Variants in GLIS3 observed in about 807,000 individuals in gnomAD.
The protein encoded by GLIS3 is zinc finger protein GLIS3.
Under a neutral mutation model 78.6 loss-of-function variants are expected in GLIS3, and 53 were observed. The observed-to-expected ratio is 0.67, with a 90% CI of 0.54 to 0.85. The LOEUF is 0.85. Ranked by LOEUF, GLIS3 falls within the 40% of genes least tolerant of loss-of-function variation. The probability of loss-of-function intolerance (pLI) is 0.00; values close to 1 mark genes in which losing one functional copy is unlikely to be tolerated. For synonymous variants in GLIS3, 684 were observed against 509.9 expected, an observed-to-expected ratio of 1.34 and a Z score of -4.60; for missense variants, 1,703 against 1,231.1, an observed-to-expected ratio of 1.38 and a Z score of -5.74.
chr9:4,222,348 C>T (rs1414574000), intron 2 of GLIS3, among the ~76,000 whole-genome samples: 2 of 152,212 alleles, frequency 1.3e-5, no homozygotes, highest in Non-Finnish European at 2.9e-5. Flanking sequence ...ATTCTCTCTG[C>T]ATCAGATTTC....
chr9:4,135,157 G>A (rs775740012), intron 2 of GLIS3, among the ~76,000 whole-genome samples: 3 of 152,124 alleles, frequency 2.0e-5, no homozygotes, highest in Non-Finnish European at 2.9e-5. Flanking sequence ...ATGTCAAAGC[G>A]TTGTCTAGAA....
the GLIS3 span, among the ~76,000 whole-genome samples, chr9:4,357,844 A>T: frequency 1.3e-5 from 2 of 152,184 alleles, no homozygotes; most frequent in African/African-American, 4.8e-5. Flanking sequence ...ATTCCCATTG[A>T]ATCTGTGTCA....
At chr9:4,124,973 G>A (rs1259224918) in intron 3 of GLIS3, among the ~76,000 whole-genome samples, 1 of 152,134 alleles carries the variant, frequency 6.6e-6, no homozygotes, top group Non-Finnish European at 1.5e-5. Context: ...ACAGTATTTT[G>A]GCTTTATGCC....
chr9:4,020,901 C>G (rs1157234852), intron 4 of GLIS3, among the ~76,000 whole-genome samples: 1 of 152,188 alleles, frequency 6.6e-6, no homozygotes, highest in Non-Finnish European at 1.5e-5. Flanking sequence ...ACACTCACCA[C>G]AAATCAACTT....
At chr9:4,082,957 G>A (rs1405333515) in intron 4 of GLIS3, among the ~76,000 whole-genome samples, 1 of 152,128 alleles carries the variant, frequency 6.6e-6, no homozygotes, top group Non-Finnish European at 1.5e-5. Flanking sequence ...TTTTAGATGG[G>A]TAACTAGCTG....
intron 9 of GLIS3, among the ~76,000 whole-genome samples, chr9:3,837,888 C>T (rs547148879): frequency 6.6e-6 from 1 of 151,866 alleles, no homozygotes; most frequent in African/African-American, 2.4e-5. Flanking sequence ...CCCCTAATAT[C>T]AGCTGTGGAC....
the GLIS3 span, among the ~76,000 whole-genome samples, chr9:4,363,503 T>A: frequency 3.3e-5 from 5 of 152,234 alleles, no homozygotes; most frequent in African/African-American, 7.2e-5. Flanking sequence ...CTTGCTTTTT[T>A]AAAAAAAGCA....
At position 3,970,673 on chromosome 9, in the gene GLIS3, G is replaced by C. The variant is rs150742293; in HGVS notation, c.1711-33484C>G. Among the ~76,000 whole-genome samples the C allele has an allele frequency of 2.5e-3, 381 of 152,278 alleles. 4 individuals carry two copies. Among genetic ancestry groups the C allele is most frequent in the African/African-American group, 8.3e-3 (343 of 41,556 alleles). On this transcript the variant is annotated intron_variant, in intron 4 of 10. Transcript: ENST00000381971. ...CCTATCCTATAGCATGGAGTTGCAG[G>C]ATTATTCAGCAGAGCAGAAACTGAG...
intron 2 of GLIS3, among the ~76,000 whole-genome samples, chr9:4,187,183 G>A (rs1171327496): frequency 6.6e-6 from 1 of 152,198 alleles, no homozygotes; most frequent in Non-Finnish European, 1.5e-5. Flanking sequence ...TAAGGTGTAA[G>A]GAAGGGATCC....
chr9:4,168,012 G>C (rs75042880), intron 2 of GLIS3, among the ~76,000 whole-genome samples: 6,084 of 152,258 alleles, frequency 0.04, 225 homozygotes, highest in Admixed American at 0.096. Context: ...CCCTGGCCTA[G>C]GGCTTTAGTT....
chr9:4,117,446 T>C (rs946303230), intron 4 of GLIS3, among the ~76,000 whole-genome samples: 1 of 152,226 alleles, frequency 6.6e-6, no homozygotes. Flanking sequence ...TCTGTGTCCT[T>C]CTGCTCTTGC....
In GLIS3 at chr9:3,828,171, T is replaced by C. The variant is rs1463639218; in HGVS notation, c.*101A>G. On this transcript the variant is annotated 3_prime_UTR_variant, in exon 11 of 11. Transcript: ENST00000381971. ...TCAGTAACTCTGCAGGGCCCGCTGATTGGGCTGACATCCTTCCTCAAGCAG... is the reference window on the plus strand; with the variant it reads ...TCAGTAACTCTGCAGGGCCCGCTGACTGGGCTGACATCCTTCCTCAAGCAG... The C allele has an allele frequency of 1.4e-6, 2 of 1,394,528 alleles. No homozygotes were observed. Among genetic ancestry groups the C allele is most frequent in the Non-Finnish European group, 2.0e-6 (2 of 987,236 alleles). The allele number at this position is 1,394,528 out of a possible 1,614,324, so 86.4% of individuals were successfully genotyped here. A position where few individuals can be genotyped will look rare whatever the true frequency, so the allele number is the denominator to read the frequency against.
chr9:4,235,899 ACTT>A lies in GLIS3; in HGVS notation c.388+50136_388+50138del, dbSNP rs141473534. On this transcript the variant is annotated intron_variant, in intron 2 of 10. Transcript: ENST00000381971. Reference sequence around the variant, plus strand: ...AGAAAGCATCCCGGCATACTGATGAACTTCTTTTTCAAATGGTGCCAACTGACA... The same window carrying A: ...AGAAAGCATCCCGGCATACTGATGAACTTTTTCAAATGGTGCCAACTGACA... Among the ~76,000 whole-genome samples the A allele has an allele frequency of 2.7e-3, 411 of 152,284 alleles. 1 individual carries two copies. The highest frequency in any genetic ancestry group is 9.2e-3 in the African/African-American group (382 of 41,560).
intron 4 of GLIS3, among the ~76,000 whole-genome samples, chr9:3,970,493 T>C (rs1818300809): frequency 6.6e-6 from 1 of 152,094 alleles, no homozygotes; most frequent in Admixed American, 6.6e-5. Context: ...ACCTAAAAGT[T>C]TGCCATAGAC....
intron 4 of GLIS3, among the ~76,000 whole-genome samples, chr9:4,002,671 G>A (rs151006685): frequency 1.3e-5 from 2 of 152,240 alleles, no homozygotes; most frequent in African/African-American, 4.8e-5. Flanking sequence ...TGCAGTGGCT[G>A]GAAAGGCAAA....
chr9:4,003,364 C>T (rs1393595977), intron 4 of GLIS3, among the ~76,000 whole-genome samples: 6 of 151,982 alleles, frequency 3.9e-5, no homozygotes, highest in Non-Finnish European at 7.4e-5. Flanking sequence ...AGAAAGAGGA[C>T]AGAGATAGAG....
chr9:3,923,620 T>C (rs979494412), intron 6 of GLIS3, among the ~76,000 whole-genome samples: 4 of 152,108 alleles, frequency 2.6e-5, no homozygotes, highest in South Asian at 2.1e-4. Context: ...TGTTTGAATA[T>C]ATTAGGGTTG....
In GLIS3 at chr9:3,967,233, G is replaced by A. The variant is rs1309035383; in HGVS notation, c.1711-30044C>T. Among the ~76,000 whole-genome samples the A allele has an allele frequency of 5.9e-5, 9 of 152,242 alleles. No individual in the cohort carries two copies. In the East Asian group the frequency reaches 1.7e-3, roughly 29 times the overall value. On this transcript the variant is annotated intron_variant, in intron 4 of 10. Coordinates refer to ENST00000381971, the MANE Select transcript of GLIS3 (RefSeq NM_001042413.2). ...AAAATTCTCTATCCTGCTGGGCGTG[G>A]TGGCCCATGCCTGTAATCCCAGCAC...
intron 8 of GLIS3, among the ~76,000 whole-genome samples, chr9:3,868,160 G>C (rs1820727484): frequency 2.0e-5 from 3 of 152,210 alleles, no homozygotes; most frequent in African/African-American, 7.2e-5. Flanking sequence ...GTTTCTGTAT[G>C]TGTCAGAAAC....
Sources: gnomAD v4.1 joint callset for allele counts (sites outside exome capture counted in the v4.1 genomes callset) on GRCh38, gnomAD v4.1.1 for gene constraint, MANE v1.5 for transcripts, NCBI Gene and HGNC (gene_info 2026-07-23, HGNC 2026-07-21) for gene names.